TCFL5: variants seen among roughly 807,000 people sequenced by gnomAD.
The protein encoded by TCFL5 is transcription factor-like 5 protein.
TCFL5 carries 9 observed loss-of-function variants against 44.3 expected under a neutral mutation model. The observed-to-expected ratio is 0.20, with a 90% CI of 0.12 to 0.35. The LOEUF (loss-of-function observed/expected upper bound fraction) is 0.35, where lower values mean the gene tolerates loss of function less well. Among genes scored for constraint, TCFL5 ranks in the 10% least tolerant of loss-of-function variants. The pLI is 1.00. For missense variants in TCFL5, 603 were observed against 613.4 expected (o/e 0.98, Z 0.18); for synonymous variants, 319 against 271.6 (o/e 1.17, Z -1.72).
intron 5 of TCFL5, among the ~76,000 whole-genome samples, chr20:62,849,734 G>C (rs1487927691): frequency 6.6e-6 from 1 of 152,130 alleles, no homozygotes; most frequent in African/African-American, 2.4e-5. Context: ...TGAGGCAGGA[G>C]GATCACTTGA....
At position 62,859,604 on chromosome 20, in the gene TCFL5, TAAC is replaced by T. The variant is rs1342740855; in HGVS notation, c.832-81_832-79del. 6.6e-6 allele frequency: 9 copies of T among 1,357,992 alleles called. No homozygotes were observed. In the East Asian group the frequency reaches 7.4e-5, roughly 11 times the overall value. The allele number at this position is 1,357,992 out of a possible 1,614,324, so 84.1% of individuals were successfully genotyped here. On this transcript the variant is annotated intron_variant, in intron 2 of 5. Coordinates refer to ENST00000335351, the MANE Select transcript of TCFL5 (RefSeq NM_006602.4). ...CTTTACTGCACAAATGAAATGCACT[TAAC>T]AAACATCAAAACTACTAACACGTAA...
chr20:62,861,261 G>T lies in TCFL5; in HGVS notation c.410C>A (p.Ala137Glu). Reference sequence around the variant, plus strand: ...GCCCGACGTCTTCTCCGCCGCGCCCGCCTCGCTTAGCAGCATCATGCGCAG... The same window carrying T: ...GCCCGACGTCTTCTCCGCCGCGCCCTCCTCGCTTAGCAGCATCATGCGCAG... Reference protein sequence around the residue: ...QELRMMLLSEAGAAEKTSGGG... With the variant: ...QELRMMLLSEEGAAEKTSGGG... Residue 137 changes from alanine to glutamate, a missense_variant, in exon 1 of 6, where the codon GCG becomes GAG. Coordinates refer to ENST00000335351, the MANE Select transcript of TCFL5 (RefSeq NM_006602.4). The surrounding 1 kb of genome is among the most constrained non-coding windows in gnomAD (Gnocchi z 4.0). 1 of 1,204,768 alleles carries T rather than the reference G, an allele frequency of 8.3e-7. No homozygotes were observed. Among genetic ancestry groups the T allele is most frequent in the South Asian group, 1.7e-5 (1 of 59,292 alleles). The allele number at this position is 1,204,768 out of a possible 1,614,324, so 74.6% of individuals were successfully genotyped here. A position where few individuals can be genotyped will look rare whatever the true frequency, so the allele number is the denominator to read the frequency against.
rs143895954 is a variant in TCFL5, at chr20:62,855,518, G to A, written c.1239-1361C>T. The stretch of plus-strand genomic sequence containing the variant: ...GCAGTGGCTCAAGCCTGTAATCCCA[G>A]TACTTTGGGAGGCCGAGGCACGTGG... On this transcript the variant is annotated intron_variant, in intron 4 of 5. Transcript: ENST00000335351. Among the ~76,000 whole-genome samples, 977 of 152,346 alleles carry A rather than the reference G, an allele frequency of 6.4e-3. 11 individuals carry two copies. Among genetic ancestry groups the A allele is most frequent in the African/African-American group, 0.022 (907 of 41,574 alleles).
rs2063827867 is a variant in TCFL5 at position 62,852,752 on chromosome 20, C to T, written c.1380+1264G>A. ...TTGACAGAAGCATAGTCACCTGGTC[C>T]GCAGAAGTATATTCACCCATTCCAC... is the stretch of plus-strand genomic sequence containing the variant. On this transcript the variant is annotated intron_variant, in intron 5 of 5. Coordinates refer to ENST00000335351, the MANE Select transcript of TCFL5 (RefSeq NM_006602.4). 1.6e-5 allele frequency: 20 copies of T among 1,284,068 alleles called. No homozygotes were observed. The South Asian group carries it at 2.2e-4, about 14-fold the overall frequency. The allele number at this position is 1,284,068 out of a possible 1,614,324, so 79.5% of individuals were successfully genotyped here.
rs541713023 is a variant in TCFL5 at position 62,845,660 on chromosome 20, G to A, written c.1381-3563C>T. The stretch of plus-strand genomic sequence containing the variant: ...CGTCACCCCTTCAGCAACCCCCGCT[G>A]ACCATGGCAGTATTTCATGACGAGG... On this transcript the variant is annotated intron_variant, in intron 5 of 5. Coordinates refer to ENST00000335351, the MANE Select transcript of TCFL5 (RefSeq NM_006602.4). 1.2e-5 allele frequency: 19 copies of A among 1,606,108 alleles called. No individual in the cohort carries two copies. The African/African-American group carries it at 2.1e-4, about 18-fold the overall frequency.
chr20:62,857,991 GAAA>G (rs547445368), intron 3 of TCFL5, among the ~76,000 whole-genome samples: 2 of 133,820 alleles, frequency 1.5e-5, no homozygotes, highest in Middle Eastern at 3.7e-3. Context: ...GGTCAGAATG[GAAA>G]AAAAAAAACA....
At position 62,859,753 on chromosome 20, in the gene TCFL5, C is replaced by T. The variant is rs147395526; in HGVS notation, c.832-227G>A. ...TTTTTTTTTTTGAGACAGGCTCTCA[C>T]TCTGTCGCCCAGACTGGAGTGCAGG... On this transcript the variant is annotated intron_variant, in intron 2 of 5. Coordinates refer to ENST00000335351, the MANE Select transcript of TCFL5 (RefSeq NM_006602.4). Among the ~76,000 whole-genome samples the T allele has an allele frequency of 2.2e-3, 331 of 151,350 alleles. 2 individuals carry two copies. The highest frequency in any genetic ancestry group is 7.4e-3 in the African/African-American group (302 of 41,048).
intron 5 of TCFL5, among the ~76,000 whole-genome samples, chr20:62,848,237 ACAC>A (rs1190461275): frequency 6.6e-6 from 1 of 152,204 alleles, no homozygotes; most frequent in African/African-American, 2.4e-5. Context: ...GGAGGGACAG[ACAC>A]CACAAGGGAG....
At chr20:62,850,528 TC>T (rs1180222458) in intron 5 of TCFL5, among the ~76,000 whole-genome samples, 1 of 151,538 alleles carries the variant, frequency 6.6e-6, no homozygotes, top group Non-Finnish European at 1.5e-5. Flanking sequence ...CCTTTCCTCC[TC>T]CCCAGCGCCG....
At chr20:62,845,123 AT>A (rs11086140) in intron 5 of TCFL5, 58,976 of 719,880 alleles carry the variant, frequency 0.082, no homozygotes, top group Non-Finnish European at 0.093. Flanking sequence ...TTTCTTCCCA[AT>A]TTTTTTTTTT....
rs1568797404 is a variant in TCFL5 at position 62,860,201 on chromosome 20, G to A, written c.755C>T (p.Ala252Val). 1 of 1,613,922 alleles carries A rather than the reference G, an allele frequency of 6.2e-7. No homozygotes were observed. The highest frequency in any genetic ancestry group is 8.5e-7 in the Non-Finnish European group (1 of 1,179,814). Residue 252 changes from alanine to valine, a missense_variant, in exon 2 of 6, where the codon GCT (alanine) becomes GTT (valine). This residue lies in a region of TCFL5 where 540 missense variants were observed against 478.7 expected (regional missense o/e 1.13). Transcript: ENST00000335351. ...VKNKTAATTT[A>V]LQFTYPLFTT... Reference sequence around the variant, plus strand: ...AAACAGTGGGTATGTAAATTGCAAAGCAGTAGTTGTAGCCGCAGTTTTATT... The same window carrying A: ...AAACAGTGGGTATGTAAATTGCAAAACAGTAGTTGTAGCCGCAGTTTTATT...
chr20:62,848,708 A>C (rs1042769220), intron 5 of TCFL5, among the ~76,000 whole-genome samples: 2 of 152,114 alleles, frequency 1.3e-5, no homozygotes, highest in African/African-American at 4.8e-5. Flanking sequence ...ATTGCACTCC[A>C]GACTGGGTGA....
chr20:62,846,961 G>C (rs1046690363), intron 5 of TCFL5, among the ~76,000 whole-genome samples: 2 of 152,024 alleles, frequency 1.3e-5, no homozygotes, highest in Non-Finnish European at 2.9e-5. Context: ...GAGGTGGGTG[G>C]ATCACCTGAG....
intron 5 of TCFL5, chr20:62,845,889 A>G (rs2063736318): frequency 6.4e-7 from 1 of 1,552,456 alleles, no homozygotes; most frequent in African/African-American, 1.4e-5. Flanking sequence ...GCCTTCAGTC[A>G]ACAAAGAATG....
chr20:62,858,515 G>C (rs542285447), intron 3 of TCFL5, among the ~76,000 whole-genome samples: 2 of 152,268 alleles, frequency 1.3e-5, no homozygotes, highest in Admixed American at 6.5e-5. Flanking sequence ...ACTGACATGG[G>C]AGAAGGCGGT....
chr20:62,861,482 C>A lies in TCFL5; in HGVS notation c.189G>T (p.Ser63=), dbSNP rs772148081. 3 of 1,194,188 alleles carry A rather than the reference C, an allele frequency of 2.5e-6. No homozygotes were observed. Among genetic ancestry groups the A allele is most frequent in the African/African-American group, 1.6e-5 (1 of 61,552 alleles). The allele number at this position is 1,194,188 out of a possible 1,614,324, so 74.0% of individuals were successfully genotyped here. ...CGCCGTCAGCCGCCGCCTCCATGTG[C>A]GAGCAGAGGATGTGCTGCAGCTGCG... ...EYTQLQHILC[S]HMEAAADGEL... The change falls in exon 1 of 6, where the codon TCG becomes TCT. Residue 63 remains serine, a synonymous_variant. Transcript: ENST00000335351. The surrounding 1 kb of genome is among the most constrained non-coding windows in gnomAD (Gnocchi z 4.0).
In TCFL5 at chr20:62,857,507, A is replaced by T. The variant is rs1190618326; in HGVS notation, c.1126T>A (p.Trp376Arg). ...GCCTGTGAGGACTCCGAGGACTGCC[A>T]AGCGCCTTGTGTGGCGGTGGCACCT... ...GEGATATQGA[W>R]QSSESSQANL... is the part of the protein sequence containing the mutation. Residue 376 changes from tryptophan (W) to arginine (R), a missense_variant, in exon 4 of 6, where the codon TGG (tryptophan) becomes AGG (arginine). This residue lies in a region of TCFL5 where 540 missense variants were observed against 478.7 expected (regional missense o/e 1.13). Transcript: ENST00000335351. 1.9e-6 allele frequency: 3 copies of T among 1,614,108 alleles called. No individual in the cohort carries two copies. The highest frequency in any genetic ancestry group is 2.5e-6 in the Non-Finnish European group (3 of 1,180,050).
intron 5 of TCFL5, among the ~76,000 whole-genome samples, chr20:62,849,262 G>A (rs900537680): frequency 4.6e-5 from 7 of 152,148 alleles, no homozygotes; most frequent in African/African-American, 1.2e-4. Context: ...AACTGGGACC[G>A]GCAGGGAGAA....
chr20:62,850,928 G>C (rs911590949), intron 5 of TCFL5, among the ~76,000 whole-genome samples: 12 of 152,026 alleles, frequency 7.9e-5, no homozygotes, highest in Non-Finnish European at 2.9e-5. Context: ...CCTTCCACCC[G>C]CAAGGCCCTG....
Sources: gnomAD v4.1 joint callset for allele counts (sites outside exome capture counted in the v4.1 genomes callset) on GRCh38, gnomAD v4.1.1 for gene constraint, gnomAD v4.1.1 regional missense constraint, Gnocchi (gnomAD v3.1) non-coding constraint, MANE v1.5 for transcripts, NCBI Gene and HGNC (gene_info 2026-07-23, HGNC 2026-07-21) for gene names.